Variants in GRAMD1B observed in about 807,000 individuals in gnomAD.
GRAMD1B encodes the protein protein Aster-B.
Under a neutral mutation model 99.7 loss-of-function variants are expected in GRAMD1B, and 37 were observed. That is an observed-to-expected ratio of 0.37 (90% CI 0.29 to 0.49). The LOEUF (loss-of-function observed/expected upper bound fraction) is 0.49, where lower values mean the gene tolerates loss of function less well. Among genes scored for constraint, GRAMD1B ranks in the 20% least tolerant of loss-of-function variants. The pLI, the probability that GRAMD1B is intolerant of heterozygous loss-of-function variation, is 0.98. For missense variants in GRAMD1B, 888 were observed against 1,009.2 expected (o/e 0.88, Z 1.63); for synonymous variants, 427 against 387.6 (o/e 1.10, Z -1.19).
intron 2 of GRAMD1B, among the ~76,000 whole-genome samples, chr11:123,523,088 T>G (rs6590003): frequency 6.6e-6 from 1 of 152,108 alleles, no homozygotes; most frequent in Non-Finnish European, 1.5e-5. Context: ...TCCCAATACT[T>G]TGGGAGGCCG....
chr11:123,462,832 G>A (rs4936809), intron 1 of GRAMD1B, among the ~76,000 whole-genome samples: 16,929 of 142,060 alleles, frequency 0.12, 2,196 homozygotes, highest in African/African-American at 0.32. Context: ...ATTGTCCCAT[G>A]ACCCTGCCAA....
At chr11:123,436,497 C>G (rs1488635237) in intron 1 of GRAMD1B, among the ~76,000 whole-genome samples, 5 of 152,198 alleles carry the variant, frequency 3.3e-5, no homozygotes, top group Admixed American at 6.5e-5. Flanking sequence ...CAATGAATCA[C>G]TCAGTCATCA....
intron 2 of GRAMD1B, among the ~76,000 whole-genome samples, chr11:123,506,834 AGCCTCCTGCCCAGCCCCACTGTTCCCT>A (rs1234571509): frequency 2.0e-5 from 3 of 151,830 alleles, no homozygotes; most frequent in East Asian, 1.9e-4. Context: ...CTCTCATTAA[AGCCTCCTGCCCAGCCCCACTGTTCCCT>A]GCCTCCTGCC....
chr11:123,483,222 G>C (rs1017190613), intron 2 of GRAMD1B, among the ~76,000 whole-genome samples: 1 of 152,092 alleles, frequency 6.6e-6, no homozygotes, highest in Non-Finnish European at 1.5e-5. Context: ...TGAGAACTGA[G>C]AACGAAGTGA....
intron 19 of GRAMD1B, 45 bp downstream of exon 19, chr11:123,619,269 G>T: frequency 6.5e-7 from 1 of 1,547,360 alleles, no homozygotes. Flanking sequence ...TTTGGGAGCG[G>T]GGACTCCTTC....
chr11:123,615,752 G>A (rs1248369540), intron 17 of GRAMD1B, among the ~76,000 whole-genome samples: 9 of 152,242 alleles, frequency 5.9e-5, no homozygotes, highest in African/African-American at 2.2e-4. Context: ...TTCTGCTGAT[G>A]TGGTCCTGGA....
chr11:123,488,682 C>A (rs1037870166), intron 2 of GRAMD1B, among the ~76,000 whole-genome samples: 1 of 139,910 alleles, frequency 7.1e-6, no homozygotes, highest in African/African-American at 2.5e-5. Flanking sequence ...CCTCCTCCCC[C>A]GTTGCCACCC....
chr11:123,441,809 A>AG (rs35055778), intron 1 of GRAMD1B, among the ~76,000 whole-genome samples: 1 of 32,180 alleles, frequency 3.1e-5, no homozygotes, highest in Non-Finnish European at 6.9e-5. Context: ...AGAGAGAGAG[A>AG]AAAAAAAGTC....
intron 1 of GRAMD1B, chr11:123,458,226 C>T (rs1459136170): frequency 2.0e-5 from 3 of 152,196 alleles, no homozygotes; most frequent in African/African-American, 7.2e-5. Context: ...CAGTCCAAGT[C>T]TGCAGGCCTC....
intron 2 of GRAMD1B, among the ~76,000 whole-genome samples, chr11:123,565,118 C>T (rs1040404159): frequency 2.0e-5 from 3 of 151,948 alleles, no homozygotes; most frequent in Non-Finnish European, 4.4e-5. Flanking sequence ...ACTGCAACCT[C>T]GAATTCCTGG....
At chr11:123,498,840 A>G (rs974173172) in intron 2 of GRAMD1B, among the ~76,000 whole-genome samples, 11 of 152,228 alleles carry the variant, frequency 7.2e-5, no homozygotes, top group African/African-American at 2.7e-4. Context: ...AGGAATTTGC[A>G]GTTAACATAT....
At chr11:123,469,279 A>G (rs1272050431) in intron 1 of GRAMD1B, among the ~76,000 whole-genome samples, 1 of 152,156 alleles carries the variant, frequency 6.6e-6, no homozygotes, top group Admixed American at 6.5e-5. Context: ...AGGAAGAGAC[A>G]TGATTAAATC....
chr11:123,501,384 T>C (rs1036295929), intron 2 of GRAMD1B, among the ~76,000 whole-genome samples: 2 of 152,200 alleles, frequency 1.3e-5, no homozygotes, highest in Non-Finnish European at 1.5e-5. Context: ...TTGGCCAGGC[T>C]GGTCTTGAAT....
intron 1 of GRAMD1B, among the ~76,000 whole-genome samples, chr11:123,364,710 A>G (rs1291310172): frequency 6.6e-6 from 1 of 152,046 alleles, no homozygotes; most frequent in Non-Finnish European, 1.5e-5. Context: ...CTGCTCAGCC[A>G]TGCTCCAGAG....
chr11:123,600,633 A>G, intron 8 of GRAMD1B, 85 bp downstream of exon 8: 3 of 787,656 alleles, frequency 3.8e-6, no homozygotes, highest in South Asian at 3.2e-5. Flanking sequence ...GGAATCCCCC[A>G]CTGATAGTAT....
intron 19 of GRAMD1B, among the ~76,000 whole-genome samples, chr11:123,620,472 C>CAAAAAAA (rs55787871): frequency 2.9e-5 from 2 of 69,228 alleles, no homozygotes; most frequent in African/African-American, 1.3e-4. Flanking sequence ...GACTTCATCT[C>CAAAAAAA]AAAAAAAAAA....
intron 1 of GRAMD1B, among the ~76,000 whole-genome samples, chr11:123,432,515 C>A (rs1286416239): frequency 6.8e-6 from 1 of 147,892 alleles, no homozygotes; most frequent in Non-Finnish European, 1.5e-5. Context: ...AAGACTGTGC[C>A]ACTGCACTCC....
intron 17 of GRAMD1B, among the ~76,000 whole-genome samples, chr11:123,616,954 G>A (rs1954490618): frequency 6.6e-6 from 1 of 152,164 alleles, no homozygotes; most frequent in African/African-American, 2.4e-5. Context: ...TAAAGGCCTT[G>A]GGGACAACTC....
chr11:123,529,071 G>C (rs1034008489), intron 2 of GRAMD1B, among the ~76,000 whole-genome samples: 1 of 152,062 alleles, frequency 6.6e-6, no homozygotes. Flanking sequence ...TTGCAGCCCC[G>C]TTGTCTAGGC....
Sources: allele counts gnomAD v4.1 joint callset (sites outside exome capture counted in the v4.1 genomes callset), GRCh38; gene constraint gnomAD v4.1.1; transcripts MANE v1.5; gene names NCBI Gene and HGNC (gene_info 2026-07-23, HGNC 2026-07-21).